FER1L5: variants seen among roughly 807,000 people sequenced by gnomAD.
FER1L5 encodes the protein fer-1 like family member 5, also known as fer-1-like protein 5.
A neutral mutation model predicts 279.9 loss-of-function variants in FER1L5; 187 were observed. The ratio of observed to expected loss-of-function variants is 0.67; its 90% CI spans 0.59 to 0.75. FER1L5 has a LOEUF of 0.75. Among genes scored for constraint, FER1L5 ranks in the 30% least tolerant of loss-of-function variants. FER1L5 has a pLI of 0.00. For missense variants in FER1L5, 2,091 were observed against 2,594.4 expected, an observed-to-expected ratio of 0.81 and a Z score of 4.21; for synonymous variants, 921 against 989.7, an observed-to-expected ratio of 0.93 and a Z score of 1.30.
chr2:96,670,349 C>T, intron 18 of FER1L5, 102 bp downstream of exon 18: 1 of 1,451,156 alleles, frequency 6.9e-7, no homozygotes, highest in South Asian at 1.3e-5. Flanking sequence ...GCCCTGGCCA[C>T]TGGCTGTTGA....
rs925845764 is a variant in FER1L5, at chr2:96,704,299, C to A, written c.5886C>A (p.Leu1962=). 6.2e-7 allele frequency: 1 copy of A among 1,613,894 alleles called. No individual in the cohort carries two copies. The highest frequency in any genetic ancestry group is 8.5e-7 in the Non-Finnish European group (1 of 1,179,886). ...YIFWKRYRFK[L]IAFMVISIIA... ...TCTGGAAACGCTATCGCTTCAAACT[C>A]ATAGCCTTTATGGTCATATCGATTA... is the stretch of plus-strand genomic sequence containing the variant. The change falls in exon 52 of 53, where the codon CTC becomes CTA. Residue 1962 remains leucine, a synonymous_variant. Transcript: ENST00000624922.
chr2:96,646,155 C>A (rs779833364), intron 1 of FER1L5, among the ~76,000 whole-genome samples: 44 of 152,084 alleles, frequency 2.9e-4, no homozygotes, highest in Non-Finnish European at 4.7e-4. Context: ...CCCGCCACCA[C>A]GCCCGGCTAA....
Position 96,663,458 on chromosome 2 carries a change from C to T in FER1L5, c.1091C>T (p.Thr364Ile). 6.4e-7 allele frequency: 1 copy of T among 1,551,628 alleles called. No individual in the cohort carries two copies. The highest frequency in any genetic ancestry group is 8.7e-7 in the Non-Finnish European group (1 of 1,146,964). ...TTCCAGCTCAGGACACACATGCAGA[C>T]CCAAACCGACAACCCGATATGGAAC... is the stretch of plus-strand genomic sequence containing the variant. ...IGEKLRTHMQ[T>I]QTDNPIWNQI... The change falls in exon 14 of 53, where the codon ACC becomes ATC. Residue 364 changes from threonine (T) to isoleucine (I), a missense_variant. Thr to Ile is a moderately conservative substitution (Grantham distance 89, BLOSUM62 -1). Coordinates refer to ENST00000624922, the MANE Select transcript of FER1L5 (RefSeq NM_001293083.2).
chr2:96,676,594 T>A (rs1449887408), intron 19 of FER1L5, among the ~76,000 whole-genome samples: 2 of 152,068 alleles, frequency 1.3e-5, no homozygotes, highest in Non-Finnish European at 2.9e-5. Context: ...AAAAGGCCAC[T>A]GGAATTTCCT....
At chr2:96,690,709 C>G (rs866019728) in intron 27 of FER1L5, 120 bp downstream of exon 27, 3 of 855,180 alleles carry the variant, frequency 3.5e-6, no homozygotes, top group Middle Eastern at 2.9e-4. Flanking sequence ...TCCTGGGGCC[C>G]CCTGGCCTCC....
At chr2:96,700,776 G>A (rs1382663911) in intron 45 of FER1L5, among the ~76,000 whole-genome samples, 2 of 152,162 alleles carry the variant, frequency 1.3e-5, no homozygotes, top group Admixed American at 6.5e-5. Flanking sequence ...AGTCTCTCCC[G>A]AGGGGTGGGA....
intron 19 of FER1L5, among the ~76,000 whole-genome samples, chr2:96,675,571 C>T (rs947489051): frequency 5.3e-5 from 8 of 152,208 alleles, no homozygotes; most frequent in South Asian, 2.1e-4. Context: ...GGATTACAGG[C>T]GCCTGCCACC....
intron 19 of FER1L5, among the ~76,000 whole-genome samples, chr2:96,680,700 A>G (rs923336843): frequency 6.6e-6 from 1 of 152,206 alleles, no homozygotes; most frequent in Admixed American, 6.5e-5. Flanking sequence ...TTCAAGTAGA[A>G]CATACCTATG....
In FER1L5 at chr2:96,654,446, G is replaced by A. The variant is rs2075512429; in HGVS notation, c.697G>A (p.Val233Met). 5.0e-6 allele frequency: 2 copies of A among 398,960 alleles called. No individual in the cohort carries two copies. The highest frequency in any genetic ancestry group is 8.8e-6 in the Non-Finnish European group (2 of 226,090). 24.7% of individuals were successfully genotyped at this position (398,960 alleles called of 1,614,324 possible). The change falls in exon 9 of 53, where the codon GTG (valine) becomes ATG (methionine). Residue 233 changes from valine (V) to methionine (M), a missense_variant and splice_region_variant. Transcript: ENST00000624922. ...AATATTTCTGGGAACTCCCTTGCAG[G>A]TGGTGAACTCCTCAGCAATGAGATA... is the stretch of plus-strand genomic sequence containing the variant. ...KFFDETILIQVVNSSAMRYKA... is the reference protein window; with the variant it reads ...KFFDETILIQMVNSSAMRYKA...
intron 44 of FER1L5, 86 bp downstream of exon 44, chr2:96,700,166 G>C (rs774362506): frequency 7.3e-4 from 1,151 of 1,568,148 alleles, no homozygotes; most frequent in Non-Finnish European, 9.2e-4. Flanking sequence ...TGCAGACTTG[G>C]GGGAGAAAGG....
At position 96,689,591 on chromosome 2, in the gene FER1L5, C is replaced by T. The variant is rs550577861; in HGVS notation, c.2526-53C>T. Reference sequence around the variant, plus strand: ...AACGCTTGGCCAGCAGAAGACGGCCCTAGGGGCTGCTTGGGGAGTTGTGCT... The same window carrying T: ...AACGCTTGGCCAGCAGAAGACGGCCTTAGGGGCTGCTTGGGGAGTTGTGCT... On this transcript the variant is annotated intron_variant, in intron 25 of 52. Transcript: ENST00000624922. This position sits in a 1 kb window ranked among gnomAD's most constrained non-coding sequence, Gnocchi z 4.6. The T allele has an allele frequency of 6.0e-6, 9 of 1,508,362 alleles. No individual in the cohort carries two copies. In the South Asian group the frequency reaches 9.6e-5, roughly 16 times the overall value. The allele number at this position is 1,508,362 out of a possible 1,614,324, so 93.4% of individuals were successfully genotyped here.
intron 42 of FER1L5, among the ~76,000 whole-genome samples, 152 bp from the exon 43 acceptor site, chr2:96,699,398 A>G (rs2077505445): frequency 6.6e-6 from 1 of 152,096 alleles, no homozygotes; most frequent in Non-Finnish European, 1.5e-5. Context: ...TAACCAGGGG[A>G]TGGCGATTGG....
At chr2:96,662,966 C>T (rs1369374163) in intron 13 of FER1L5, among the ~76,000 whole-genome samples, 1 of 152,174 alleles carries the variant, frequency 6.6e-6, no homozygotes, top group East Asian at 1.9e-4. Context: ...CTTCTGTGTT[C>T]ATCTTAGTGT....
At chr2:96,656,758 T>TGCAAC (rs1398724111) in intron 9 of FER1L5, among the ~76,000 whole-genome samples, 2 of 151,966 alleles carry the variant, frequency 1.3e-5, no homozygotes, top group African/African-American at 2.4e-5. Flanking sequence ...CTTTTTTTTT[T>TGCAAC]TTTTTTAATT....
chr2:96,668,261 C>A (rs953512037), intron 14 of FER1L5, among the ~76,000 whole-genome samples: 1 of 152,074 alleles, frequency 6.6e-6, no homozygotes, highest in Admixed American at 6.6e-5. Context: ...AGGTGGCTCA[C>A]ACCTCTAATC....
Position 96,691,277 on chromosome 2 carries a change from G to A in FER1L5, c.2831G>A (p.Arg944Gln), listed in dbSNP as rs1386878197. Residue 944 changes from arginine (R) to glutamine (Q), a missense_variant, in exon 28 of 53, where the codon CGG (arginine) becomes CAG (glutamine). Transcript: ENST00000624922. This position sits in a 1 kb window ranked among gnomAD's most constrained non-coding sequence, Gnocchi z 6.0. The stretch of plus-strand genomic sequence containing the variant: ...AAGACCTACCACTCGTGCCGCCGCC[G>A]GCGCTGGGCGCGTGTGCGCTTCAGG... ...VEKTYHSCRRRRWARVRFRNH... is the reference protein window; with the variant it reads ...VEKTYHSCRRQRWARVRFRNH... 1.4e-5 allele frequency: 21 copies of A among 1,550,442 alleles called. No individual in the cohort carries two copies. The highest frequency in any genetic ancestry group is 2.4e-5 in the East Asian group (1 of 40,926).
chr2:96,659,365 CTTTCTTTCTTTCTTTCTTT>C (rs2075787758), intron 9 of FER1L5, among the ~76,000 whole-genome samples: 1 of 13,694 alleles, frequency 7.3e-5, no homozygotes, highest in Non-Finnish European at 1.1e-4. Flanking sequence ...TTCCTTCCTT[CTTTCTTTCTTTCTTTCTTT>C]CTTTCTTTCT....
Position 96,698,737 on chromosome 2 carries a change from G to A in FER1L5, c.4423G>A (p.Val1475Ile). 6.3e-7 allele frequency: 1 copy of A among 1,578,572 alleles called. No homozygotes were observed. The highest frequency in any genetic ancestry group is 8.6e-7 in the Non-Finnish European group (1 of 1,162,778). Reference protein sequence around the residue: ...EAPKPPLQFLVWPEREDFPQP... With the variant: ...EAPKPPLQFLIWPEREDFPQP... ...CCCAAAGCCCCCGCTGCAGTTCTTG[G>A]TTTGGCCAGAGAGAGAGGACTTCCC... The change falls in exon 41 of 53, where the codon GTT becomes ATT. Residue 1475 changes from valine (V) to isoleucine (I), a missense_variant. Coordinates refer to ENST00000624922, the MANE Select transcript of FER1L5 (RefSeq NM_001293083.2). The surrounding 1 kb of genome is among the most constrained non-coding windows in gnomAD (Gnocchi z 5.5).
At chr2:96,697,858 G>A (rs998153111) in intron 39 of FER1L5, 97 bp downstream of exon 39, 208 of 1,495,050 alleles carry the variant, frequency 1.4e-4, no homozygotes, top group Admixed American at 6.7e-4. Context: ...CAAGTGGGAA[G>A]GTTCCCGCAC....
Sources: gnomAD v4.1 joint callset for allele counts (sites outside exome capture counted in the v4.1 genomes callset) on GRCh38, gnomAD v4.1.1 for gene constraint, Gnocchi (gnomAD v3.1) non-coding constraint, MANE v1.5 for transcripts, NCBI Gene and HGNC (gene_info 2026-07-23, HGNC 2026-07-21) for gene names.